The following COL27A1 variants were observed in gnomAD, a reference collection of about 807,000 sequenced individuals.
The protein encoded by COL27A1 is collagen type XXVII alpha 1 chain.
COL27A1 carries 106 observed loss-of-function variants against 251.3 expected under a neutral mutation model. That is an observed-to-expected ratio of 0.42 (90% CI 0.36 to 0.50). The LOEUF is 0.50. Among genes scored for constraint, COL27A1 ranks in the 20% least tolerant of loss-of-function variants. The probability of loss-of-function intolerance (pLI) is 0.00; values close to 1 mark genes in which losing one functional copy is unlikely to be tolerated. For synonymous variants in COL27A1, 1,000 were observed against 986.3 expected (o/e 1.01, Z -0.26); for missense variants, 2,325 against 2,522.8 (o/e 0.92, Z 1.68).
intron 4 of COL27A1, among the ~76,000 whole-genome samples, chr9:114,179,296 C>T (rs538223718): frequency 1.5e-4 from 23 of 152,296 alleles, no homozygotes; most frequent in African/African-American, 5.3e-4. Context: ...CCATCTGAAG[C>T]GGCATTTCCT....
chr9:114,155,194 T>C (rs1848048571), upstream of COL27A1, among the ~76,000 whole-genome samples: 1 of 152,124 alleles, frequency 6.6e-6, no homozygotes, highest in South Asian at 2.1e-4. The surrounding 1 kb of genome is among the most constrained non-coding windows in gnomAD (Gnocchi z 5.5). Flanking sequence ...ACTGTGGGTT[T>C]CTTCCAGGAG....
At chr9:114,260,546 G>A (rs1252527591) in intron 28 of COL27A1, among the ~76,000 whole-genome samples, 1 of 152,200 alleles carries the variant, frequency 6.6e-6, no homozygotes, top group South Asian at 2.1e-4. Context: ...TATGTGCCAC[G>A]GGGAATGGGC....
chr9:114,298,971 A>G (rs7031311), intron 49 of COL27A1, among the ~76,000 whole-genome samples: 50,855 of 152,156 alleles, frequency 0.33, 8,667 homozygotes, highest in South Asian at 0.42. Flanking sequence ...CAAAGTATTC[A>G]AGTAGACATT....
chr9:114,298,334 G>A (rs1046565552), intron 49 of COL27A1, among the ~76,000 whole-genome samples: 1 of 152,078 alleles, frequency 6.6e-6, no homozygotes, highest in South Asian at 2.1e-4. Flanking sequence ...ACTTTTTAAC[G>A]AAATCTGACA....
At chr9:114,213,505 T>C (rs371116612) in intron 12 of COL27A1, among the ~76,000 whole-genome samples, 47 of 152,298 alleles carry the variant, frequency 3.1e-4, no homozygotes, top group African/African-American at 1.1e-3. Flanking sequence ...TTGAATATAT[T>C]ACTCTATGCC....
At chr9:114,211,530 C>T (rs1162343129) in intron 12 of COL27A1, among the ~76,000 whole-genome samples, 1 of 152,220 alleles carries the variant, frequency 6.6e-6, no homozygotes, top group African/African-American at 2.4e-5. Context: ...CAGCGGTGAC[C>T]CCCAATTCAC....
intron 7 of COL27A1, among the ~76,000 whole-genome samples, chr9:114,204,786 G>A (rs1829831426): frequency 6.6e-6 from 1 of 152,102 alleles, no homozygotes; most frequent in South Asian, 2.1e-4. Flanking sequence ...TGATTCAGAA[G>A]GAATGGTTGC....
intron 49 of COL27A1, among the ~76,000 whole-genome samples, chr9:114,294,104 C>T (rs1330489636): frequency 4.1e-5 from 6 of 145,934 alleles, no homozygotes; most frequent in African/African-American, 7.6e-5. Context: ...AAAAATTAGC[C>T]AGGCGTGGTG....
chr9:114,300,867 C>T (rs942571006), intron 51 of COL27A1, among the ~76,000 whole-genome samples, 180 bp downstream of exon 51: 17 of 152,222 alleles, frequency 1.1e-4, no homozygotes, highest in Admixed American at 8.5e-4. Context: ...CATCCTTCCC[C>T]GCTTTCACTC....
intron 24 of COL27A1, 117 bp downstream of exon 24, chr9:114,246,027 A>C: frequency 1.1e-6 from 1 of 881,990 alleles, no homozygotes; most frequent in Non-Finnish European, 1.8e-6. Flanking sequence ...GAACAACTCC[A>C]GAGGTAGGTT....
intron 14 of COL27A1, among the ~76,000 whole-genome samples, chr9:114,228,823 T>G (rs1409776582): frequency 6.6e-6 from 1 of 152,022 alleles, no homozygotes; most frequent in Non-Finnish European, 1.5e-5. Context: ...AATTTCTTTC[T>G]CTCTCTTTTT....
chr9:114,217,863 C>T (rs1270142639), intron 12 of COL27A1: 3 of 468,528 alleles, frequency 6.4e-6, no homozygotes, highest in Non-Finnish European at 1.3e-5. Flanking sequence ...CCTGTAATCC[C>T]AACACTTTGG....
chr9:114,214,435 G>A (rs1302534992), intron 12 of COL27A1, among the ~76,000 whole-genome samples: 1 of 152,140 alleles, frequency 6.6e-6, no homozygotes, highest in Non-Finnish European at 1.5e-5. Context: ...CCGTGCATGC[G>A]GCCTCCTCAG....
At chr9:114,302,189 C>T in intron 56 of COL27A1, 81 bp downstream of exon 56, 2 of 1,217,018 alleles carry the variant, frequency 1.6e-6, no homozygotes, top group Admixed American at 3.4e-5. Flanking sequence ...CCCTCTCTGG[C>T]CCTGGTGGCT....
At chr9:114,271,012 T>G in intron 36 of COL27A1, 1 of 518,802 alleles carries the variant, frequency 1.9e-6, no homozygotes. Flanking sequence ...CACCTTCCAG[T>G]CTTTCCTGCT....
intron 7 of COL27A1, among the ~76,000 whole-genome samples, chr9:114,200,401 T>C (rs961556047): frequency 3.3e-5 from 5 of 152,322 alleles, no homozygotes; most frequent in African/African-American, 9.6e-5. Flanking sequence ...CCACATCCCC[T>C]TGTAGAAGGT....
Position 114,237,700 on chromosome 9 carries a change from G to A in COL27A1, c.2712G>A (p.Gly904=), listed in dbSNP as rs761727886. The change falls in exon 19 of 61, where the codon GGG becomes GGA. Residue 904 remains glycine, a synonymous_variant. Transcript: ENST00000356083. ...VGDKGSIGFP[G]PPGPEGFPGD... ...ACAAAGGATCCATTGGGTTTCCCGG[G>A]CCCCCTGGACCCGAGGTATGTGATG... 9 of 1,614,040 alleles carry A rather than the reference G, an allele frequency of 5.6e-6. No homozygotes were observed. In the South Asian group the frequency reaches 8.8e-5, roughly 16 times the overall value.
intron 23 of COL27A1, among the ~76,000 whole-genome samples, chr9:114,244,105 T>G (rs1041608791): frequency 4.6e-5 from 7 of 151,922 alleles, no homozygotes; most frequent in African/African-American, 1.7e-4. Context: ...TTTTTGTATT[T>G]TTAGTAGAGA....
At chr9:114,253,036 C>T (rs1399728510) in intron 27 of COL27A1, 104 bp downstream of exon 27, 4 of 907,196 alleles carry the variant, frequency 4.4e-6, no homozygotes, top group East Asian at 2.4e-5. Context: ...TTCGGGAGGC[C>T]GATCACTTGA....
Sources: allele counts gnomAD v4.1 joint callset (sites outside exome capture counted in the v4.1 genomes callset), GRCh38; gene constraint gnomAD v4.1.1; non-coding constraint Gnocchi (gnomAD v3.1); transcripts MANE v1.5; gene names NCBI Gene and HGNC (gene_info 2026-07-23, HGNC 2026-07-21).